Variants in CSMD1 observed in about 807,000 individuals in gnomAD.
CSMD1 encodes CUB and Sushi multiple domains 1.
In CSMD1, 213 loss-of-function variants were observed where a neutral mutation model predicts 417.5. That is an observed-to-expected ratio of 0.51 (90% confidence interval 0.46 to 0.57). The LOEUF (loss-of-function observed/expected upper bound fraction) is 0.57. CSMD1 is among the 20% of genes least tolerant of loss of function. The pLI is 0.00. For synonymous variants in CSMD1, 2,862 were observed against 1,736.8 expected, an observed-to-expected ratio of 1.65 and a Z score of -16.11; for missense variants, 6,923 against 4,529.7, an observed-to-expected ratio of 1.53 and a Z score of -15.17.
intron 52 of CSMD1, among the ~76,000 whole-genome samples, 158 bp downstream of exon 52, chr8:3,018,319 G>A (rs1310346462): frequency 6.6e-6 from 1 of 152,124 alleles, no homozygotes; most frequent in Non-Finnish European, 1.5e-5. Context: ...ACAAATCCCT[G>A]TAGATACTCA....
At chr8:3,629,746 G>C (rs1281930660) in intron 7 of CSMD1, among the ~76,000 whole-genome samples, 2 of 152,074 alleles carry the variant, frequency 1.3e-5, no homozygotes, top group Non-Finnish European at 2.9e-5. Flanking sequence ...TATGCCAAAA[G>C]AAACACACAC....
intron 2 of CSMD1, among the ~76,000 whole-genome samples, chr8:4,623,882 T>A (rs1479010334): frequency 6.6e-6 from 1 of 152,096 alleles, no homozygotes; most frequent in African/African-American, 2.4e-5. Context: ...AAGAAAAGTT[T>A]TGTGGGTGAT....
At chr8:4,959,292 G>T (rs192213241) in intron 1 of CSMD1, among the ~76,000 whole-genome samples, 1 of 152,146 alleles carries the variant, frequency 6.6e-6, no homozygotes, top group Non-Finnish European at 1.5e-5. Flanking sequence ...TATGTAACAG[G>T]TATGTTTATT....
chr8:4,224,867 TGG>T (rs1433758584), intron 3 of CSMD1, among the ~76,000 whole-genome samples: 10 of 151,996 alleles, frequency 6.6e-5, no homozygotes, highest in Admixed American at 6.6e-5. Context: ...CCCAGCACTT[TGG>T]GATACCAAGG....
chr8:4,295,797 CAT>C (rs1797650487), intron 3 of CSMD1, among the ~76,000 whole-genome samples: 1 of 126,230 alleles, frequency 7.9e-6, no homozygotes, highest in East Asian at 2.3e-4. Flanking sequence ...TACACACACA[CAT>C]CTTGAGAGAA....
At chr8:3,700,104 G>A (rs1800772657) in intron 7 of CSMD1, among the ~76,000 whole-genome samples, 1 of 152,104 alleles carries the variant, frequency 6.6e-6, no homozygotes, top group African/African-American at 2.4e-5. Context: ...GTGGACGTTG[G>A]GGGAAGAGTG....
At chr8:3,718,219 G>C (rs1362774316) in intron 6 of CSMD1, among the ~76,000 whole-genome samples, 1 of 152,052 alleles carries the variant, frequency 6.6e-6, no homozygotes, top group East Asian at 1.9e-4. Flanking sequence ...TTAAAGTCTG[G>C]AAACAGTTGT....
rs1811535381 is a variant in CSMD1, at chr8:3,394,040, A to ATATC, written c.2593+2153_2593+2154insGATA. Among the ~76,000 whole-genome samples, 3 of 130,470 alleles carry ATATC rather than the reference A, an allele frequency of 2.3e-5. No individual in the cohort carries two copies. The South Asian group carries it at 7.2e-4, about 31-fold the overall frequency. The allele number at this position is 130,470 out of a possible 152,430, so 85.6% of individuals were successfully genotyped here. On this transcript the variant is annotated intron_variant, in intron 17 of 69. Transcript: ENST00000635120. ...TATATATATATATATATATATATAT[A>ATATC]TATATATATATATATAGAAAAAAAG...
chr8:3,807,106 A>G (rs1485697583), intron 5 of CSMD1, among the ~76,000 whole-genome samples: 1 of 152,140 alleles, frequency 6.6e-6, no homozygotes, highest in Non-Finnish European at 1.5e-5. Flanking sequence ...GGAAGGTTAA[A>G]TTGACTTTAA....
At chr8:4,931,520 T>A (rs942652864) in intron 1 of CSMD1, among the ~76,000 whole-genome samples, 2 of 152,146 alleles carry the variant, frequency 1.3e-5, no homozygotes, top group African/African-American at 4.8e-5. Context: ...CCATGAACCA[T>A]CCAACGCAAG....
At chr8:3,341,493 A>G (rs1549312) in intron 23 of CSMD1, among the ~76,000 whole-genome samples, 46,288 of 152,016 alleles carry the variant, frequency 0.3, 7,892 homozygotes, top group African/African-American at 0.45. Context: ...AGGGTTGGAA[A>G]CGTAATGAGA....
intron 1 of CSMD1, among the ~76,000 whole-genome samples, chr8:4,735,050 G>C (rs189730296): frequency 2.0e-5 from 3 of 152,232 alleles, no homozygotes; most frequent in Non-Finnish European, 4.4e-5. Context: ...GAACAAGTCA[G>C]TTCAGTAGAA....
At chr8:3,429,032 G>T (rs990126665) in intron 12 of CSMD1, among the ~76,000 whole-genome samples, 3 of 152,118 alleles carry the variant, frequency 2.0e-5, no homozygotes, top group African/African-American at 4.8e-5. Context: ...ACCAGAGACT[G>T]GGGGAGGCAG....
chr8:3,191,941 TC>T (rs1796450565), intron 33 of CSMD1, among the ~76,000 whole-genome samples: 1 of 152,202 alleles, frequency 6.6e-6, no homozygotes, highest in Admixed American at 6.5e-5. Context: ...ATATGAATTT[TC>T]CCTTAAAATA....
chr8:3,832,108 A>G (rs1802413393), intron 5 of CSMD1, among the ~76,000 whole-genome samples: 1 of 152,086 alleles, frequency 6.6e-6, no homozygotes, highest in Non-Finnish European at 1.5e-5. Context: ...CCTTATGTGC[A>G]TGTGGGCAAA....
chr8:4,138,430 A>G (rs567151410), intron 3 of CSMD1, among the ~76,000 whole-genome samples: 2 of 152,110 alleles, frequency 1.3e-5, no homozygotes, highest in South Asian at 2.1e-4. Flanking sequence ...CCTCAAAAAC[A>G]CCTTCTATCA....
At chr8:3,610,735 A>T (rs1481363316) in intron 8 of CSMD1, among the ~76,000 whole-genome samples, 1 of 152,038 alleles carries the variant, frequency 6.6e-6, no homozygotes, top group Non-Finnish European at 1.5e-5. Flanking sequence ...TATAATTTTT[A>T]TGCTCAGTAG....
At chr8:3,169,698 G>A (rs1344810659) in intron 37 of CSMD1, among the ~76,000 whole-genome samples, 9 of 150,434 alleles carry the variant, frequency 6.0e-5, no homozygotes, top group Admixed American at 3.3e-4. Context: ...TGAGGAGCCC[G>A]CTGAGTCTAG....
At chr8:2,954,714 C>T (rs1802880676) in intron 64 of CSMD1, among the ~76,000 whole-genome samples, 1 of 152,186 alleles carries the variant, frequency 6.6e-6, no homozygotes, top group African/African-American at 2.4e-5. Flanking sequence ...ATTTCCATTG[C>T]AGAATGTTCA....
Sources: gnomAD v4.1 joint callset for allele counts (sites outside exome capture counted in the v4.1 genomes callset) on GRCh38, gnomAD v4.1.1 for gene constraint, MANE v1.5 for transcripts, NCBI Gene and HGNC (gene_info 2026-07-23, HGNC 2026-07-21) for gene names.